The following FER variants were observed in gnomAD, a reference collection of about 807,000 sequenced individuals.
FER encodes FER tyrosine kinase.
FER carries 63 observed loss-of-function variants against 111.0 expected under a neutral mutation model. The ratio of observed to expected loss-of-function variants is 0.57; its 90% confidence interval spans 0.46 to 0.70. FER has a LOEUF of 0.70. Ranked by LOEUF, FER falls within the 30% of genes least tolerant of loss-of-function variation. The pLI, the probability that FER is intolerant of heterozygous loss-of-function variation, is 0.00. For synonymous variants in FER, 327 were observed against 313.9 expected (o/e 1.04, Z -0.44); for missense variants, 914 against 954.0 (o/e 0.96, Z 0.55).
chr5:108,781,124 T>C (rs1224173286), intron 2 of FER, among the ~76,000 whole-genome samples: 1 of 152,222 alleles, frequency 6.6e-6, no homozygotes, highest in Non-Finnish European at 1.5e-5. Context: ...ATTGAGCTGA[T>C]GATTCTCACA....
At chr5:108,750,267 A>AC (rs1750319567) in intron 1 of FER, among the ~76,000 whole-genome samples, 1 of 138,262 alleles carries the variant, frequency 7.2e-6, no homozygotes, top group African/African-American at 2.6e-5. Context: ...TGAGAATAGG[A>AC]TAAAAAAAAA....
At chr5:109,143,479 T>C (rs10067445) in intron 17 of FER, among the ~76,000 whole-genome samples, 60,219 of 151,816 alleles carry the variant, frequency 0.4, 12,174 homozygotes, top group Non-Finnish European at 0.43. Flanking sequence ...GACCTTTCTA[T>C]CAGCCTAACT....
intron 8 of FER, among the ~76,000 whole-genome samples, chr5:108,873,140 T>A (rs577353098): frequency 5.9e-5 from 9 of 152,282 alleles, no homozygotes; most frequent in African/African-American, 9.6e-5. Flanking sequence ...TTTGTTTTTT[T>A]AATTTTATTT....
chr5:108,948,633 C>T (rs369048177), intron 11 of FER, among the ~76,000 whole-genome samples: 3 of 152,112 alleles, frequency 2.0e-5, no homozygotes, highest in African/African-American at 7.2e-5. Context: ...TCATGAGGGT[C>T]CATTCCAATT....
intron 19 of FER, among the ~76,000 whole-genome samples, chr5:109,186,641 T>G (rs1562007760): frequency 6.6e-6 from 1 of 152,190 alleles, no homozygotes; most frequent in Non-Finnish European, 1.5e-5. Context: ...CTATGCCAGA[T>G]AAACCTCCTT....
intron 8 of FER, among the ~76,000 whole-genome samples, chr5:108,875,440 C>T (rs1220504818): frequency 1.3e-5 from 2 of 151,948 alleles, no homozygotes; most frequent in Non-Finnish European, 2.9e-5. Flanking sequence ...ATGCTGAAAG[C>T]GTTTTTGTGC....
At chr5:109,094,120 T>C (rs1403779789) in intron 16 of FER, among the ~76,000 whole-genome samples, 3 of 151,838 alleles carry the variant, frequency 2.0e-5, no homozygotes, top group Non-Finnish European at 4.4e-5. Context: ...GTGTGTAAAT[T>C]TGTGTATCAG....
chr5:109,185,333 A>G (rs1370978375), intron 18 of FER, among the ~76,000 whole-genome samples: 1 of 152,186 alleles, frequency 6.6e-6, no homozygotes, highest in African/African-American at 2.4e-5. Flanking sequence ...TGTTTAAAAC[A>G]CACATAAATA....
chr5:109,178,831 C>G (rs1394896730), intron 17 of FER, among the ~76,000 whole-genome samples: 1 of 152,146 alleles, frequency 6.6e-6, no homozygotes, highest in African/African-American at 2.4e-5. Context: ...TTATCTAGTT[C>G]TACAACACAT....
At chr5:108,863,693 A>T (rs1763752733) in intron 5 of FER, among the ~76,000 whole-genome samples, 2 of 152,152 alleles carry the variant, frequency 1.3e-5, no homozygotes, top group South Asian at 4.1e-4. Context: ...GAGGCAAAAA[A>T]TTTACTGATT....
chr5:109,149,320 GAA>G (rs1754566993), intron 17 of FER, among the ~76,000 whole-genome samples: 1 of 152,136 alleles, frequency 6.6e-6, no homozygotes, highest in Non-Finnish European at 1.5e-5. Flanking sequence ...ATGGGAGGGA[GAA>G]GAGATAAAAG....
At chr5:109,141,729 A>C (rs569448992) in intron 17 of FER, among the ~76,000 whole-genome samples, 1 of 152,156 alleles carries the variant, frequency 6.6e-6, no homozygotes, top group African/African-American at 2.4e-5. Flanking sequence ...CTTCTGCTCA[A>C]ATTTCACTGA....
chr5:109,060,385 A>G (rs1774236699), intron 16 of FER, among the ~76,000 whole-genome samples: 1 of 152,190 alleles, frequency 6.6e-6, no homozygotes, highest in Non-Finnish European at 1.5e-5. Flanking sequence ...GTATGAACTT[A>G]CTCAACTTAC....
intron 14 of FER, among the ~76,000 whole-genome samples, chr5:109,040,600 TGAGAGGAACGGGAG>T (rs1243988331): frequency 6.6e-6 from 1 of 152,114 alleles, no homozygotes; most frequent in Non-Finnish European, 1.5e-5. Flanking sequence ...GGAATGGATT[TGAGAGGAACGGGAG>T]GAGAGAATTA....
chr5:109,151,942 T>C (rs2126693655), intron 17 of FER, among the ~76,000 whole-genome samples: 1 of 152,254 alleles, frequency 6.6e-6, no homozygotes, highest in East Asian at 1.9e-4. Flanking sequence ...CTGTCATGCC[T>C]CCTGTTCTTA....
At chr5:108,866,330 C>A (rs1374021740) in intron 5 of FER, among the ~76,000 whole-genome samples, 1 of 152,048 alleles carries the variant, frequency 6.6e-6, no homozygotes. Context: ...CAGACTGTCA[C>A]AAGGACAAAA....
chr5:109,139,690 C>A (rs976493593), intron 17 of FER, among the ~76,000 whole-genome samples: 1 of 152,008 alleles, frequency 6.6e-6, no homozygotes, highest in East Asian at 1.9e-4. Context: ...AGCAAACCCC[C>A]AGTTTTCTTC....
intron 3 of FER, among the ~76,000 whole-genome samples, chr5:108,812,000 G>A (rs919596745): frequency 1.5e-4 from 23 of 152,182 alleles, no homozygotes; most frequent in African/African-American, 5.3e-4. Context: ...GACACACAGA[G>A]ATGGGTTTCA....
At chr5:109,022,504 AT>A (rs1768066518) in intron 13 of FER, among the ~76,000 whole-genome samples, 1 of 152,142 alleles carries the variant, frequency 6.6e-6, no homozygotes, top group South Asian at 2.1e-4. Flanking sequence ...TTAGGGAGGT[AT>A]ATTTGTCAAA....
Sources: allele counts gnomAD v4.1 joint callset (sites outside exome capture counted in the v4.1 genomes callset), GRCh38; gene constraint gnomAD v4.1.1; transcripts MANE v1.5; gene names NCBI Gene and HGNC (gene_info 2026-07-23, HGNC 2026-07-21).